PRELID2: variants seen among roughly 807,000 people sequenced by gnomAD.
PRELID2 encodes the protein PRELI domain containing 2.
In PRELID2, 25 loss-of-function variants were observed where a neutral mutation model predicts 28.4. The observed-to-expected ratio is 0.88, with a 90% CI of 0.64 to 1.23. The LOEUF (loss-of-function observed/expected upper bound fraction) is 1.23, where lower values mean the gene tolerates loss of function less well. PRELID2 is among the 50% of genes most tolerant of loss of function. PRELID2 has a pLI of 0.00. For missense variants in PRELID2, 201 were observed against 214.4 expected (o/e 0.94, Z 0.39); for synonymous variants, 76 against 71.6 (o/e 1.06, Z -0.31).
chr5:145,493,540 T>C (rs1752285668), intron 1 of PRELID2, among the ~76,000 whole-genome samples: 1 of 152,198 alleles, frequency 6.6e-6, no homozygotes. Flanking sequence ...AAATCTTACA[T>C]GGTCTTCCTA....
intron 1 of PRELID2, among the ~76,000 whole-genome samples, chr5:145,483,751 T>C (rs1752187666): frequency 6.6e-6 from 1 of 151,794 alleles, no homozygotes; most frequent in South Asian, 2.1e-4. Context: ...ATCTACGGAG[T>C]TGAAAACCTA....
chr5:145,292,096 T>C, the PRELID2 span, among the ~76,000 whole-genome samples: 1 of 152,168 alleles, frequency 6.6e-6, no homozygotes, highest in Non-Finnish European at 1.5e-5. Flanking sequence ...CTTCAATTTC[T>C]GTAGGCTCTA....
At chr5:145,274,718 G>A in the PRELID2 span, among the ~76,000 whole-genome samples, 13 of 152,266 alleles carry the variant, frequency 8.5e-5, no homozygotes, top group East Asian at 2.5e-3. Context: ...ATGTAGTAAA[G>A]AGGAAAGCAT....
In PRELID2 at chr5:145,580,852, T is replaced by C. The variant is rs373044876; in HGVS notation, n.71-107537A>G. On this transcript the variant is annotated intron_variant and non_coding_transcript_variant, in intron 1 of 2. Transcript: ENST00000510259. ...GAATTACTGGAGCTAGCTATTAGCA[T>C]TACCGTATTTCTCCTACCACCAGTT... Among the ~76,000 whole-genome samples the C allele has an allele frequency of 4.6e-5, 7 of 152,166 alleles. No individual in the cohort carries two copies. In the South Asian group the frequency reaches 1.5e-3, roughly 32 times the overall value.
chr5:145,492,822 C>A (rs1446581041), intron 1 of PRELID2, among the ~76,000 whole-genome samples: 1 of 140,822 alleles, frequency 7.1e-6, no homozygotes, highest in Non-Finnish European at 1.6e-5. Context: ...GTCCACCACA[C>A]AAGGCTGAAG....
the PRELID2 span, among the ~76,000 whole-genome samples, chr5:145,460,357 T>G: frequency 2.0e-5 from 3 of 152,338 alleles, no homozygotes; most frequent in East Asian, 5.8e-4. Flanking sequence ...GAACATGTAT[T>G]TTTAGTGGGT....
At chr5:145,261,833 A>T in the PRELID2 span, among the ~76,000 whole-genome samples, 2 of 152,214 alleles carry the variant, frequency 1.3e-5, no homozygotes, top group Non-Finnish European at 2.9e-5. Context: ...GATCCAAACC[A>T]AAATGAAATC....
chr5:145,688,346 A>ACT, intron 1 of PRELID2, among the ~76,000 whole-genome samples: 1 of 152,346 alleles, frequency 6.6e-6, no homozygotes, highest in Admixed American at 6.5e-5. Flanking sequence ...GACTTGCATC[A>ACT]GCAGTAATGG....
At chr5:145,449,102 A>G in the PRELID2 span, among the ~76,000 whole-genome samples, 2 of 152,154 alleles carry the variant, frequency 1.3e-5, no homozygotes, top group Non-Finnish European at 2.9e-5. Flanking sequence ...CAAAATGGCC[A>G]GCAACCCCTC....
At chr5:145,582,488 C>T (rs1177389172) in intron 1 of PRELID2, among the ~76,000 whole-genome samples, 2 of 151,948 alleles carry the variant, frequency 1.3e-5, no homozygotes, top group Non-Finnish European at 2.9e-5. Context: ...CAGACCCCTC[C>T]CCCAACACAT....
At chr5:145,820,493 G>T (rs1754706647) in intron 2 of PRELID2, among the ~76,000 whole-genome samples, 1 of 152,080 alleles carries the variant, frequency 6.6e-6, no homozygotes, top group South Asian at 2.1e-4. Context: ...ACTCCAAAGA[G>T]AATGTTTCAA....
At chr5:145,575,179 C>T (rs891368575) in intron 1 of PRELID2, among the ~76,000 whole-genome samples, 3 of 152,122 alleles carry the variant, frequency 2.0e-5, no homozygotes, top group African/African-American at 7.2e-5. Context: ...ATTCCAGAAT[C>T]GGGGTTTGTC....
intron 5 of PRELID2, among the ~76,000 whole-genome samples, chr5:145,794,618 A>G (rs758618610): frequency 3.3e-5 from 5 of 152,150 alleles, no homozygotes; most frequent in Non-Finnish European, 7.4e-5. Flanking sequence ...TACTCAATAT[A>G]TATCTGTAAG....
the PRELID2 span, among the ~76,000 whole-genome samples, chr5:145,349,122 T>C: frequency 6.6e-6 from 1 of 152,130 alleles, no homozygotes; most frequent in Non-Finnish European, 1.5e-5. Flanking sequence ...CTTATACCCA[T>C]GCAACTGTTG....
chr5:145,423,349 T>TCTC, the PRELID2 span, among the ~76,000 whole-genome samples: 294 of 151,872 alleles, frequency 1.9e-3, 3 homozygotes, highest in African/African-American at 6.1e-3. Flanking sequence ...TTGGTTCCAT[T>TCTC]CTCCCCATCA....
intron 1 of PRELID2, among the ~76,000 whole-genome samples, chr5:145,664,264 T>C (rs1286733446): frequency 2.0e-5 from 3 of 152,166 alleles, no homozygotes; most frequent in Non-Finnish European, 4.4e-5. Context: ...TCCTCAATTG[T>C]TTCTCTGCTT....
chr5:145,812,708 T>C (rs956984491), intron 4 of PRELID2, among the ~76,000 whole-genome samples: 1 of 152,100 alleles, frequency 6.6e-6, no homozygotes, highest in Non-Finnish European at 1.5e-5. Flanking sequence ...AGGGATAAAG[T>C]AAGTACAGGA....
At position 145,683,285 on chromosome 5, in the gene PRELID2, G is replaced by GTGTT. The variant is rs376471569; in HGVS notation, n.70+81642_70+81645dup. ...AGATAGTGACTAAAGATGTAATGAT[G>GTGTT]TGTTCTATACTACCCCTAGAATAGA... On this transcript the variant is annotated intron_variant and non_coding_transcript_variant, in intron 1 of 2. Coordinates refer to the PRELID2 transcript ENST00000510259. Among the ~76,000 whole-genome samples, 638 of 152,244 alleles carry GTGTT rather than the reference G, an allele frequency of 4.2e-3. 3 individuals are homozygous for GTGTT. Among genetic ancestry groups the GTGTT allele is most frequent in the African/African-American group, 0.014 (592 of 41,540 alleles).
At chr5:145,491,561 T>C (rs1377738632) in intron 1 of PRELID2, among the ~76,000 whole-genome samples, 1 of 151,558 alleles carries the variant, frequency 6.6e-6, no homozygotes, top group Non-Finnish European at 1.5e-5. Flanking sequence ...ACACTTAACA[T>C]ACACTCTCTT....
Sources: gnomAD v4.1 joint callset for allele counts (sites outside exome capture counted in the v4.1 genomes callset) on GRCh38, gnomAD v4.1.1 for gene constraint, MANE v1.5 for transcripts, NCBI Gene and HGNC (gene_info 2026-07-23, HGNC 2026-07-21) for gene names.